GSK3B: variants seen among roughly 807,000 people sequenced by gnomAD.
The protein encoded by GSK3B is glycogen synthase kinase-3 beta.
GSK3B carries 15 observed loss-of-function variants against 56.4 expected under a neutral mutation model. That is an observed-to-expected ratio of 0.27 (90% confidence interval 0.18 to 0.41). The LOEUF (loss-of-function observed/expected upper bound fraction) is 0.41. Ranked by LOEUF, GSK3B falls within the 10% of genes least tolerant of loss-of-function variation. The probability of loss-of-function intolerance (pLI) is 1.00; values close to 1 mark genes in which losing one functional copy is unlikely to be tolerated. For missense variants in GSK3B, 300 were observed against 513.4 expected (o/e 0.58, Z 4.02); for synonymous variants, 181 against 188.9 (o/e 0.96, Z 0.34).
chr3:120,027,530 T>A (rs750636468), intron 1 of GSK3B, among the ~76,000 whole-genome samples: 5 of 152,146 alleles, frequency 3.3e-5, no homozygotes, highest in Non-Finnish European at 7.3e-5. Context: ...ATTTACCATA[T>A]CAATAAATTA....
intron 1 of GSK3B, among the ~76,000 whole-genome samples, chr3:120,070,617 G>A (rs1017508674): frequency 6.6e-6 from 1 of 151,992 alleles, no homozygotes; most frequent in South Asian, 2.1e-4. Flanking sequence ...CTTTACAGTC[G>A]TGTCTGAAAT....
At chr3:120,048,369 T>G (rs1243632328) in intron 1 of GSK3B, among the ~76,000 whole-genome samples, 1 of 152,210 alleles carries the variant, frequency 6.6e-6, no homozygotes, top group South Asian at 2.1e-4. Flanking sequence ...GCAAGAACTG[T>G]GCATTCAAAT....
chr3:119,917,768 T>C (rs2056796406), intron 4 of GSK3B, among the ~76,000 whole-genome samples: 1 of 152,006 alleles, frequency 6.6e-6, no homozygotes, highest in Non-Finnish European at 1.5e-5. Flanking sequence ...TTCATTGTTT[T>C]GAAAAGTTTA....
At chr3:119,943,052 C>T (rs1039303204) in intron 3 of GSK3B, among the ~76,000 whole-genome samples, 11 of 152,208 alleles carry the variant, frequency 7.2e-5, no homozygotes, top group Non-Finnish European at 1.5e-4. Flanking sequence ...CTTAATTCCT[C>T]TTTCTTCTAG....
chr3:119,865,434 C>CGA (rs2056163434), intron 8 of GSK3B, among the ~76,000 whole-genome samples: 8 of 59,168 alleles, frequency 1.4e-4, no homozygotes, highest in Non-Finnish European at 2.1e-4. Context: ...AGCTTATTTC[C>CGA]GATATATATA....
chr3:119,836,299 G>A (rs2055688843), intron 10 of GSK3B, among the ~76,000 whole-genome samples: 1 of 152,140 alleles, frequency 6.6e-6, no homozygotes, highest in Admixed American at 6.6e-5. Flanking sequence ...AAACCAAGAT[G>A]AAGACAAGTT....
intron 5 of GSK3B, among the ~76,000 whole-genome samples, chr3:119,915,619 C>A (rs2056773083): frequency 6.6e-6 from 1 of 151,966 alleles, no homozygotes; most frequent in African/African-American, 2.4e-5. Flanking sequence ...TACATATACT[C>A]TTGATCTTGC....
chr3:119,930,129 G>A (rs967325926), intron 3 of GSK3B, among the ~76,000 whole-genome samples: 9 of 137,880 alleles, frequency 6.5e-5, no homozygotes, highest in African/African-American at 1.4e-4. Context: ...ACACACGTGC[G>A]CATGCACACA....
intron 1 of GSK3B, among the ~76,000 whole-genome samples, chr3:120,040,268 C>A (rs767861102): frequency 6.6e-6 from 1 of 152,270 alleles, no homozygotes; most frequent in Admixed American, 6.5e-5. Context: ...TGGGTCCTAT[C>A]GGCAGTTCCG....
chr3:119,864,566 T>C (rs529698932), intron 8 of GSK3B, among the ~76,000 whole-genome samples: 2 of 152,236 alleles, frequency 1.3e-5, no homozygotes, highest in East Asian at 3.9e-4. Context: ...GGTGTGACGA[T>C]GGAGGTGGGC....
chr3:120,057,441 C>T (rs530695068), intron 1 of GSK3B, among the ~76,000 whole-genome samples: 108 of 151,988 alleles, frequency 7.1e-4, no homozygotes, highest in African/African-American at 2.2e-3. Context: ...AGTTCTGCTA[C>T]GAAAATATTC....
At chr3:120,028,959 G>C (rs917579673) in intron 1 of GSK3B, 34 of 571,864 alleles carry the variant, frequency 5.9e-5, no homozygotes, top group East Asian at 4.1e-4. Flanking sequence ...AAGCATACAA[G>C]AGAAGTGCTT....
At chr3:119,877,813 G>A (rs1395249248) in intron 7 of GSK3B, among the ~76,000 whole-genome samples, 2 of 152,154 alleles carry the variant, frequency 1.3e-5, no homozygotes, top group Non-Finnish European at 2.9e-5. Context: ...GAAAGTACAT[G>A]GACCTGGCTG....
intron 2 of GSK3B, among the ~76,000 whole-genome samples, chr3:119,980,848 G>T (rs1227065930): frequency 1.3e-5 from 2 of 152,120 alleles, no homozygotes; most frequent in Non-Finnish European, 2.9e-5. Context: ...TATGGAAAAA[G>T]AATCTTATAT....
chr3:119,836,424 T>C (rs1372534140), intron 10 of GSK3B, among the ~76,000 whole-genome samples: 2 of 152,110 alleles, frequency 1.3e-5, no homozygotes, highest in Non-Finnish European at 2.9e-5. Context: ...ATAAATAAAA[T>C]GTGCCCCAAG....
intron 1 of GSK3B, among the ~76,000 whole-genome samples, chr3:120,049,407 G>C (rs1242387356): frequency 6.6e-6 from 1 of 152,176 alleles, no homozygotes; most frequent in Admixed American, 6.5e-5. Flanking sequence ...GCGGTAGAGG[G>C]TATGAAGGAA....
intron 7 of GSK3B, among the ~76,000 whole-genome samples, chr3:119,889,208 G>A (rs2056473964): frequency 1.3e-5 from 2 of 152,044 alleles, no homozygotes; most frequent in South Asian, 2.1e-4. Context: ...TGGGCATCAC[G>A]GTTCTACTGA....
At chr3:119,875,452 T>C (rs895433618) in intron 8 of GSK3B, among the ~76,000 whole-genome samples, 20 of 151,710 alleles carry the variant, frequency 1.3e-4, no homozygotes, top group Admixed American at 1.3e-3. Context: ...ATACAGTAAG[T>C]CTCTCCTTAA....
At chr3:119,852,339 T>C (rs542733344) in intron 9 of GSK3B, among the ~76,000 whole-genome samples, 9 of 152,052 alleles carry the variant, frequency 5.9e-5, no homozygotes, top group East Asian at 1.9e-4. Context: ...GAAAATCTTA[T>C]ATTCAGAACT....
Sources: gnomAD v4.1 joint callset for allele counts (sites outside exome capture counted in the v4.1 genomes callset) on GRCh38, gnomAD v4.1.1 for gene constraint, MANE v1.5 for transcripts, NCBI Gene and HGNC (gene_info 2026-07-23, HGNC 2026-07-21) for gene names.